SLCO6A1: variants seen among roughly 807,000 people sequenced by gnomAD.
SLCO6A1 encodes the protein cancer/testis antigen 48.
A neutral mutation model predicts 72.7 loss-of-function variants in SLCO6A1; 65 were observed. The observed-to-expected ratio is 0.89, with a 90% CI of 0.73 to 1.10. The LOEUF (loss-of-function observed/expected upper bound fraction) is 1.10. Among genes scored for constraint, SLCO6A1 ranks in the 50% least tolerant of loss-of-function variants. The pLI, the probability that SLCO6A1 is intolerant of heterozygous loss-of-function variation, is 0.00. For missense variants in SLCO6A1, 874 were observed against 872.6 expected (o/e 1.00, Z -0.02); for synonymous variants, 314 against 298.2 (o/e 1.05, Z -0.55).
chr5:102,426,723 G>A (rs1428722982), intron 7 of SLCO6A1, among the ~76,000 whole-genome samples: 2 of 152,114 alleles, frequency 1.3e-5, no homozygotes, highest in African/African-American at 2.4e-5. Context: ...CTTCCTCAAG[G>A]GTCTACACCA....
chr5:102,435,793 T>C (rs890736597), intron 7 of SLCO6A1, among the ~76,000 whole-genome samples: 4 of 151,932 alleles, frequency 2.6e-5, no homozygotes, highest in Admixed American at 6.6e-5. Flanking sequence ...GAGAATCGCT[T>C]GAACCTGGGA....
intron 1 of SLCO6A1, among the ~76,000 whole-genome samples, chr5:102,490,819 C>T (rs1053027118): frequency 6.6e-5 from 10 of 152,088 alleles, no homozygotes; most frequent in Admixed American, 3.9e-4. Context: ...TGAGTGTTAC[C>T]GCTCATAAAG....
At position 102,477,793 on chromosome 5, in the gene SLCO6A1, G is replaced by A. The variant is rs756759161; in HGVS notation, c.685C>T (p.Leu229=). The A allele has an allele frequency of 3.3e-5, 53 of 1,613,594 alleles. No homozygotes were observed. Among genetic ancestry groups the A allele is most frequent in the Non-Finnish European group, 4.3e-5 (51 of 1,179,784 alleles). ...SSGISFQSKY[L]SFFILGQTVQ... ...GTCTGCCCAAGGATGAAGAAAGACA[G>A]GTATTTTGATTGGAATGATATACCA... The change falls in exon 3 of 14, where the codon CTG becomes TTG. Residue 229 remains leucine, a synonymous_variant. Transcript: ENST00000506729.
chr5:102,469,238 T>A (rs1365734282), intron 4 of SLCO6A1, among the ~76,000 whole-genome samples: 2 of 152,130 alleles, frequency 1.3e-5, no homozygotes, highest in African/African-American at 2.4e-5. Context: ...ATTGAACCTA[T>A]AAATTACCTT....
In SLCO6A1 at chr5:102,456,238, G is replaced by A. The variant is rs561353393; in HGVS notation, c.1131+2144C>T. Among the ~76,000 whole-genome samples, 17 of 152,242 alleles carry A rather than the reference G, an allele frequency of 1.1e-4. No homozygotes were observed. The East Asian group carries it at 2.7e-3, about 24-fold the overall frequency. Reference sequence around the variant, plus strand: ...TCTCACCACTCCTATTCAACATAGTGTTGGAAGTTCTGGCCAGGGCAATCA... The same window carrying A: ...TCTCACCACTCCTATTCAACATAGTATTGGAAGTTCTGGCCAGGGCAATCA... On this transcript the variant is annotated intron_variant, in intron 6 of 13. Transcript: ENST00000506729.
At chr5:102,411,366 G>C (rs1409209069) in intron 9 of SLCO6A1, among the ~76,000 whole-genome samples, 4 of 152,028 alleles carry the variant, frequency 2.6e-5, no homozygotes, top group Non-Finnish European at 5.9e-5. Flanking sequence ...CCAGGCTCAG[G>C]CAATCCTCCC....
intron 9 of SLCO6A1, among the ~76,000 whole-genome samples, chr5:102,411,837 A>T (rs1045545569): frequency 6.6e-6 from 1 of 152,150 alleles, no homozygotes; most frequent in African/African-American, 2.4e-5. Context: ...GTGGGGGGGA[A>T]ATGTGCATCT....
intron 12 of SLCO6A1, among the ~76,000 whole-genome samples, chr5:102,384,972 A>C (rs1746327047): frequency 6.6e-6 from 1 of 152,142 alleles, no homozygotes; most frequent in South Asian, 2.1e-4. Flanking sequence ...ATAATGGCTT[A>C]AGATCTTCCC....
intron 12 of SLCO6A1, among the ~76,000 whole-genome samples, chr5:102,381,169 T>A (rs1317532851): frequency 6.6e-6 from 1 of 151,838 alleles, no homozygotes; most frequent in Non-Finnish European, 1.5e-5. Context: ...ACAATAGATG[T>A]CAAGAATTTA....
At chr5:102,493,183 T>C (rs1752761995) in intron 1 of SLCO6A1, among the ~76,000 whole-genome samples, 1 of 152,278 alleles carries the variant, frequency 6.6e-6, no homozygotes, top group South Asian at 2.1e-4. Context: ...TATTACCTGT[T>C]ACTAAAGACA....
In SLCO6A1 at chr5:102,424,145, A is replaced by C. The variant is rs765988184; in HGVS notation, c.1277-4124T>G. 3.3e-5 allele frequency among the ~76,000 whole-genome samples: 5 copies of C among 152,322 alleles called. No individual in the cohort carries two copies. The South Asian group carries it at 1.0e-3, about 32-fold the overall frequency. On this transcript the variant is annotated intron_variant, in intron 7 of 13. Coordinates refer to ENST00000506729, the MANE Select transcript of SLCO6A1 (RefSeq NM_173488.5). ...CAGTGTTTAGAGGAAAATTTATAGC[A>C]CTAAATGCCCACAGGAGAAAGCAGG...
chr5:102,398,430 G>A (rs1747219155), intron 10 of SLCO6A1, among the ~76,000 whole-genome samples: 1 of 152,022 alleles, frequency 6.6e-6, no homozygotes, highest in Admixed American at 6.6e-5. Context: ...CATCCGCAAC[G>A]GCCTCCCAAA....
intron 9 of SLCO6A1, among the ~76,000 whole-genome samples, chr5:102,411,783 GT>G (rs1747997334): frequency 6.6e-6 from 1 of 152,010 alleles, no homozygotes; most frequent in South Asian, 2.1e-4. Flanking sequence ...CTCAAAACAT[GT>G]TTCTTTGTCA....
intron 4 of SLCO6A1, among the ~76,000 whole-genome samples, chr5:102,460,938 A>C (rs1222470245): frequency 7.6e-5 from 1 of 13,132 alleles, no homozygotes; most frequent in African/African-American, 3.2e-4. Flanking sequence ...ATATATATAT[A>C]TATATATATA....
intron 7 of SLCO6A1, among the ~76,000 whole-genome samples, chr5:102,424,696 A>G (rs1748794921): frequency 6.6e-6 from 1 of 152,150 alleles, no homozygotes; most frequent in Non-Finnish European, 1.5e-5. Context: ...AGAGGTACAA[A>G]GAAGAGTTGG....
intron 7 of SLCO6A1, among the ~76,000 whole-genome samples, chr5:102,427,241 A>C (rs1580405724): frequency 6.6e-6 from 1 of 152,230 alleles, no homozygotes; most frequent in South Asian, 2.1e-4. Context: ...GATAAAGTAC[A>C]CTGTGTTATT....
intron 12 of SLCO6A1, among the ~76,000 whole-genome samples, chr5:102,376,124 A>T (rs748683049): frequency 1.1e-4 from 16 of 152,222 alleles, no homozygotes; most frequent in Non-Finnish European, 2.2e-4. Flanking sequence ...GAAACAATGG[A>T]GACCAGAAAG....
At chr5:102,384,141 T>C (rs972613446) in intron 12 of SLCO6A1, among the ~76,000 whole-genome samples, 11 of 151,898 alleles carry the variant, frequency 7.2e-5, no homozygotes, top group South Asian at 2.1e-4. Context: ...CTTTATTTTG[T>C]TATTTTTTTC....
intron 10 of SLCO6A1, among the ~76,000 whole-genome samples, chr5:102,398,497 G>A (rs1747224216): frequency 6.6e-6 from 1 of 151,920 alleles, no homozygotes; most frequent in African/African-American, 2.4e-5. Context: ...AAATTCTAAG[G>A]GCTTTCCGTT....
Sources: gnomAD v4.1 joint callset for allele counts (sites outside exome capture counted in the v4.1 genomes callset) on GRCh38, gnomAD v4.1.1 for gene constraint, MANE v1.5 for transcripts, NCBI Gene and HGNC (gene_info 2026-07-23, HGNC 2026-07-21) for gene names.